The following SP140 variants were observed in gnomAD, a reference collection of about 807,000 sequenced individuals.
SP140 encodes nuclear body protein SP140.
Under a neutral mutation model 125.0 loss-of-function variants are expected in SP140, and 81 were observed. The ratio of observed to expected loss-of-function variants is 0.65; its 90% CI spans 0.54 to 0.78. The LOEUF is 0.78. SP140 is among the 30% of genes least tolerant of loss of function. The pLI, the probability that SP140 is intolerant of heterozygous loss-of-function variation, is 0.00. For synonymous variants in SP140, 312 were observed against 354.0 expected (o/e 0.88, Z 1.33); for missense variants, 858 against 1,037.0 (o/e 0.83, Z 2.37).
Position 230,285,737 on chromosome 2 carries a change from C to G in SP140, c.1565-15C>G. On this transcript the variant is annotated splice_polypyrimidine_tract_variant and intron_variant, in intron 16 of 26. Transcript: ENST00000392045. ...GCCCAGTTCTATTAATACATTTTCC[C>G]CTGCCTATCCCCAGATAATAGCAAA... is the stretch of plus-strand genomic sequence containing the variant. 1 of 1,606,686 alleles carries G rather than the reference C, an allele frequency of 6.2e-7. No individual in the cohort carries two copies. The highest frequency in any genetic ancestry group is 8.5e-7 in the Non-Finnish European group (1 of 1,173,388).
intron 7 of SP140, among the ~76,000 whole-genome samples, chr2:230,247,137 T>C (rs2049573255): frequency 6.6e-6 from 1 of 152,154 alleles, no homozygotes; most frequent in South Asian, 2.1e-4. Flanking sequence ...ATCTATAACT[T>C]AATGATTTCA....
intron 1 of SP140, among the ~76,000 whole-genome samples, chr2:230,229,796 T>C (rs1320424651): frequency 6.6e-6 from 1 of 152,118 alleles, no homozygotes; most frequent in Non-Finnish European, 1.5e-5. Context: ...GAAGGTTAAT[T>C]TCACAGGATA....
In SP140 at chr2:230,301,375, A is replaced by G. The variant is rs149797732; in HGVS notation, c.2058+3913A>G. The stretch of plus-strand genomic sequence containing the variant: ...AAAGTTAAGATGAAGGAAAGAATCT[A>G]TGAAGCAAAAACATCAGCTAAACTA... On this transcript the variant is annotated intron_variant, in intron 22 of 26. Transcript: ENST00000392045. Among the ~76,000 whole-genome samples the G allele has an allele frequency of 5.3e-5, 8 of 152,106 alleles. 1 individual carries two copies. Among genetic ancestry groups the G allele is most frequent in the African/African-American group, 1.9e-4 (8 of 41,564 alleles).
intron 15 of SP140, among the ~76,000 whole-genome samples, chr2:230,279,001 C>G (rs2055131460): frequency 1.3e-5 from 2 of 152,008 alleles, no homozygotes; most frequent in Non-Finnish European, 1.5e-5. Context: ...TTGCAGAATT[C>G]AAAGATCAGT....
At chr2:230,227,140 T>A (rs1034700473) in intron 1 of SP140, among the ~76,000 whole-genome samples, 1 of 151,972 alleles carries the variant, frequency 6.6e-6, no homozygotes, top group African/African-American at 2.4e-5. Flanking sequence ...AAAATGAAAA[T>A]GTGTGGAATG....
At chr2:230,285,291 T>A (rs1410109567) in intron 16 of SP140, among the ~76,000 whole-genome samples, 1 of 152,214 alleles carries the variant, frequency 6.6e-6, no homozygotes, top group African/African-American at 2.4e-5. Flanking sequence ...TAAATGATTG[T>A]CAATTTTGAA....
intron 15 of SP140, among the ~76,000 whole-genome samples, chr2:230,276,467 C>T (rs1019669503): frequency 3.3e-5 from 5 of 152,126 alleles, no homozygotes; most frequent in African/African-American, 1.2e-4. Context: ...ACATACTCCT[C>T]AGAAAAAAAG....
At chr2:230,194,148 G>C in the SP140 span, among the ~76,000 whole-genome samples, 1 of 152,096 alleles carries the variant, frequency 6.6e-6, no homozygotes, top group Non-Finnish European at 1.5e-5. Context: ...AGAAAAATTA[G>C]AGGGCTTTCC....
chr2:230,252,322 T>C (rs2050495848), intron 10 of SP140, among the ~76,000 whole-genome samples: 1 of 151,912 alleles, frequency 6.6e-6, no homozygotes, highest in African/African-American at 2.4e-5. Flanking sequence ...GTTGCCTTCA[T>C]AGAGTAGCAT....
chr2:230,187,203 A>G, the SP140 span, among the ~76,000 whole-genome samples: 1 of 151,928 alleles, frequency 6.6e-6, no homozygotes, highest in Admixed American at 6.6e-5. Context: ...TTCTTGCAGG[A>G]GTAAGGTGGT....
intron 18 of SP140, 91 bp downstream of exon 18, chr2:230,288,057 T>A: frequency 9.0e-7 from 1 of 1,107,874 alleles, no homozygotes; most frequent in South Asian, 1.6e-5. Flanking sequence ...CCCATTTCCT[T>A]AATTGTTTTA....
intron 3 of SP140, among the ~76,000 whole-genome samples, chr2:230,217,719 C>T (rs766968992): frequency 6.6e-6 from 1 of 152,180 alleles, no homozygotes; most frequent in African/African-American, 2.4e-5. Context: ...ATCCTGATTC[C>T]AGGCTTACAG....
chr2:230,213,744 C>T (rs2044759194), exon 2 of SP140: 4 of 152,678 alleles, frequency 2.6e-5, no homozygotes, highest in Admixed American at 2.6e-4. Flanking sequence ...GTTGAAGATC[C>T]CGGAAGATGA....
At position 230,251,076 on chromosome 2, in the gene SP140, G is replaced by A. The variant is rs554696446; in HGVS notation, c.1057+15G>A. On this transcript the variant is annotated intron_variant, in intron 10 of 26. Transcript: ENST00000392045. ...ATGTGGGTCAGGTAAAGAAGGGGAG[G>A]ATTTCTGGCCCTGGGCTGCAGAGTG... 15 of 1,608,184 alleles carry A rather than the reference G, an allele frequency of 9.3e-6. No homozygotes were observed. In the South Asian group the frequency reaches 1.4e-4, roughly 15 times the overall value.
the SP140 span, among the ~76,000 whole-genome samples, chr2:230,197,792 A>T: frequency 6.6e-6 from 1 of 152,106 alleles, no homozygotes; most frequent in Non-Finnish European, 1.5e-5. Context: ...ACCATTTATT[A>T]AATAGGGAAT....
chr2:230,206,814 G>A (rs1302073797), intron 1 of SP140, among the ~76,000 whole-genome samples: 2 of 151,668 alleles, frequency 1.3e-5, no homozygotes, highest in African/African-American at 4.8e-5. Flanking sequence ...CCCACACCAT[G>A]AGAATTAGAG....
intron 12 of SP140, among the ~76,000 whole-genome samples, chr2:230,261,180 T>C (rs1466288309): frequency 6.6e-6 from 1 of 152,038 alleles, no homozygotes; most frequent in Non-Finnish European, 1.5e-5. Flanking sequence ...TATTCCTAAG[T>C]TTTTGTTGTT....
At chr2:230,210,148 GCT>G in intron 1 of SP140, 1 of 738,346 alleles carries the variant, frequency 1.4e-6, no homozygotes, top group East Asian at 2.5e-5. Flanking sequence ...GAATTCCCTG[GCT>G]CTGTCTTGAT....
intron 5 of SP140, among the ~76,000 whole-genome samples, chr2:230,244,450 C>G (rs187012215): frequency 6.6e-6 from 1 of 152,246 alleles, no homozygotes; most frequent in Admixed American, 6.5e-5. Flanking sequence ...ATCAGGGTAG[C>G]CAGGGTCATG....
Sources: allele counts gnomAD v4.1 joint callset (sites outside exome capture counted in the v4.1 genomes callset), GRCh38; gene constraint gnomAD v4.1.1; transcripts MANE v1.5; gene names NCBI Gene and HGNC (gene_info 2026-07-23, HGNC 2026-07-21).